Variants in OSBPL3 observed in about 807,000 individuals in gnomAD.
OSBPL3 encodes the protein oxysterol binding protein like 3.
Under a neutral mutation model 120.1 loss-of-function variants are expected in OSBPL3, and 65 were observed. That is an observed-to-expected ratio of 0.54 (90% confidence interval 0.44 to 0.67). The LOEUF is 0.67. OSBPL3 is among the 30% of genes least tolerant of loss of function. The pLI, the probability that OSBPL3 is intolerant of heterozygous loss-of-function variation, is 0.00. For missense variants in OSBPL3, 1,004 were observed against 1,082.1 expected (o/e 0.93, Z 1.01); for synonymous variants, 416 against 402.6 (o/e 1.03, Z -0.40).
In OSBPL3 at chr7:24,804,699, C is replaced by T. The variant is rs1414951700; in HGVS notation, c.2445-262G>A. Reference sequence around the variant, plus strand: ...TTCCTTTCTTCCTTGTCTCTAATTCCAGCCACCTTCACCCTCCCACCCTAG... The same window carrying T: ...TTCCTTTCTTCCTTGTCTCTAATTCTAGCCACCTTCACCCTCCCACCCTAG... On this transcript the variant is annotated intron_variant, in intron 21 of 22. Coordinates refer to ENST00000313367, the MANE Select transcript of OSBPL3 (RefSeq NM_015550.4). The surrounding 1 kb of genome is among the most constrained non-coding windows in gnomAD (Gnocchi z 5.4). 6.6e-6 allele frequency among the ~76,000 whole-genome samples: 1 copy of T among 152,084 alleles called. No homozygotes were observed. The highest frequency in any genetic ancestry group is 1.5e-5 in the Non-Finnish European group (1 of 68,008).
rs965200819 is a variant in OSBPL3 at position 24,815,434 on chromosome 7, A to T, written c.2028-231T>A. ...CAGCATTCAGACTTTGCACTCTGGA[A>T]GCTACCAGAGGCTTCACTAGAAGCT... On this transcript the variant is annotated intron_variant, in intron 18 of 22. Transcript: ENST00000313367. This position sits in a 1 kb window ranked among gnomAD's most constrained non-coding sequence, Gnocchi z 5.1. Among the ~76,000 whole-genome samples, 12 of 152,198 alleles carry T rather than the reference A, an allele frequency of 7.9e-5. No homozygotes were observed. The highest frequency in any genetic ancestry group is 1.8e-4 in the Non-Finnish European group (12 of 68,030).
intron 14 of OSBPL3, among the ~76,000 whole-genome samples, chr7:24,836,860 A>C (rs578076644): frequency 9.9e-4 from 150 of 152,216 alleles, no homozygotes; most frequent in Non-Finnish European, 1.8e-3. Context: ...TTTGAGACAG[A>C]GTCTTGGTCT....
rs1810532545 is a variant in OSBPL3, at chr7:24,922,584, G to C, written c.-149-29963C>G. On this transcript the variant is annotated intron_variant, in intron 1 of 22. Coordinates refer to ENST00000313367, the MANE Select transcript of OSBPL3 (RefSeq NM_015550.4). This position sits in a 1 kb window ranked among gnomAD's most constrained non-coding sequence, Gnocchi z 4.3. ...CCCAAGGGAAGTGTGTAAAATGCCA[G>C]GCTGCTCTCCCTAACCTTTCCTCCA... Among the ~76,000 whole-genome samples, 1 of 152,152 alleles carries C rather than the reference G, an allele frequency of 6.6e-6. No individual in the cohort carries two copies.
At chr7:24,866,638 C>CA (rs113620003) in intron 5 of OSBPL3, among the ~76,000 whole-genome samples, 40 of 149,040 alleles carry the variant, frequency 2.7e-4, no homozygotes, top group Admixed American at 4.0e-4. Flanking sequence ...GAGACTGTCT[C>CA]AAAAAAAAAT....
chr7:24,806,252 C>T lies in OSBPL3; in HGVS notation c.2444+524G>A, dbSNP rs528914921. Among the ~76,000 whole-genome samples, 2 of 152,318 alleles carry T rather than the reference C, an allele frequency of 1.3e-5. No homozygotes were observed. The highest frequency in any genetic ancestry group is 6.5e-5 in the Admixed American group (1 of 15,300). ...TTGTTTTTAATAAAGCCAAATGTAA[C>T]AATCTTTTCTTTCCTTGGGCTTCTA... On this transcript the variant is annotated intron_variant, in intron 21 of 22. Transcript: ENST00000313367. The surrounding 1 kb of genome is among the most constrained non-coding windows in gnomAD (Gnocchi z 5.2).
chr7:24,929,054 T>C (rs985531097), intron 1 of OSBPL3, among the ~76,000 whole-genome samples: 3 of 152,190 alleles, frequency 2.0e-5, no homozygotes, highest in Non-Finnish European at 4.4e-5. Context: ...GCTTTAGAAA[T>C]TGCCAAACTG....
chr7:24,955,599 G>C lies in OSBPL3; in HGVS notation c.-150+24287C>G, dbSNP rs977969656. On this transcript the variant is annotated intron_variant, in intron 1 of 22. Transcript: ENST00000313367. The surrounding 1 kb of genome is among the most constrained non-coding windows in gnomAD (Gnocchi z 4.3). ...TTTCTGCTCAAATGTCACCTTATCA[G>C]AGAGGCCTTTGGCCATTTCTATGTA... Among the ~76,000 whole-genome samples the C allele has an allele frequency of 6.6e-6, 1 of 152,158 alleles. No homozygotes were observed. Among genetic ancestry groups the C allele is most frequent in the Non-Finnish European group, 1.5e-5 (1 of 68,024 alleles).
rs1374399474 is a variant in OSBPL3, at chr7:24,808,076, T to C, written c.2318-1174A>G. On this transcript the variant is annotated intron_variant, in intron 20 of 22. Transcript: ENST00000313367. This position sits in a 1 kb window ranked among gnomAD's most constrained non-coding sequence, Gnocchi z 4.6. ...CCACCATGCCTGGCTAATCTTTGTATTTTTAGTAGAGATGAGATTTTGCCA... is the reference window on the plus strand; with the variant it reads ...CCACCATGCCTGGCTAATCTTTGTACTTTTAGTAGAGATGAGATTTTGCCA... Among the ~76,000 whole-genome samples, 1 of 152,154 alleles carries C rather than the reference T, an allele frequency of 6.6e-6. No individual in the cohort carries two copies. The highest frequency in any genetic ancestry group is 1.9e-4 in the East Asian group (1 of 5,194).
chr7:24,917,453 A>ACC (rs1336806899), intron 1 of OSBPL3, among the ~76,000 whole-genome samples: 1 of 120,354 alleles, frequency 8.3e-6, no homozygotes, highest in African/African-American at 3.6e-5. Flanking sequence ...ATATACACAC[A>ACC]CATATATATA....
chr7:24,814,923 G>T, intron 19 of OSBPL3, 136 bp downstream of exon 19: 1 of 784,148 alleles, frequency 1.3e-6, no homozygotes, highest in Non-Finnish European at 2.1e-6. Context: ...GTGCAGCTGG[G>T]ACCAAGGAGC....
At chr7:24,837,765 T>C (rs980248819) in intron 14 of OSBPL3, among the ~76,000 whole-genome samples, 9 of 152,178 alleles carry the variant, frequency 5.9e-5, no homozygotes, top group Admixed American at 3.3e-4. Context: ...AAATGAGGCA[T>C]AGAGGAAGTA....
Position 24,899,279 on chromosome 7 carries a change from C to T in OSBPL3, c.-149-6658G>A, listed in dbSNP as rs1806635520. On this transcript the variant is annotated intron_variant, in intron 1 of 22. Transcript: ENST00000313367. This position sits in a 1 kb window ranked among gnomAD's most constrained non-coding sequence, Gnocchi z 4.0. Reference sequence around the variant, plus strand: ...AAGGCAATGACAATCTTCCTGGCCTCAACCACACTGCAACTGTTAATACTG... The same window carrying T: ...AAGGCAATGACAATCTTCCTGGCCTTAACCACACTGCAACTGTTAATACTG... 6.6e-6 allele frequency among the ~76,000 whole-genome samples: 1 copy of T among 152,180 alleles called. No homozygotes were observed. Among genetic ancestry groups the T allele is most frequent in the African/African-American group, 2.4e-5 (1 of 41,436 alleles).
intron 11 of OSBPL3, among the ~76,000 whole-genome samples, chr7:24,850,517 A>ACTGCCTAATCCTT (rs2128225161): frequency 6.6e-6 from 1 of 152,366 alleles, no homozygotes; most frequent in Admixed American, 6.5e-5. Context: ...AGGATGTGGT[A>ACTGCCTAATCCTT]CTGCCTAATC....
chr7:24,903,122 C>A (rs1438309239), intron 1 of OSBPL3, among the ~76,000 whole-genome samples: 2 of 152,240 alleles, frequency 1.3e-5, no homozygotes, highest in Admixed American at 6.5e-5. Context: ...GCAAAAACCA[C>A]AATGACTTGT....
chr7:24,856,262 T>A (rs972422606), intron 10 of OSBPL3, among the ~76,000 whole-genome samples: 2 of 152,132 alleles, frequency 1.3e-5, no homozygotes, highest in African/African-American at 4.8e-5. Context: ...TGGAACATCA[T>A]AAGCGTCGTA....
chr7:24,931,186 T>C (rs6951637), intron 1 of OSBPL3, among the ~76,000 whole-genome samples: 14,913 of 152,186 alleles, frequency 0.098, 847 homozygotes, highest in South Asian at 0.17. Flanking sequence ...CTAACAAAAA[T>C]GTTTGTGAGC....
chr7:24,974,591 T>C (rs1817373803), intron 1 of OSBPL3, among the ~76,000 whole-genome samples: 1 of 152,178 alleles, frequency 6.6e-6, no homozygotes. Flanking sequence ...TTTTTAGAAA[T>C]GCCAGTCCCG....
In OSBPL3 at chr7:24,835,377, T is replaced by C. The variant is rs1796875105; in HGVS notation, c.1496-641A>G. On this transcript the variant is annotated intron_variant, in intron 14 of 22. Coordinates refer to ENST00000313367, the MANE Select transcript of OSBPL3 (RefSeq NM_015550.4). The surrounding 1 kb of genome is among the most constrained non-coding windows in gnomAD (Gnocchi z 4.8). ...AAAACCACAATGAGATATCATCTCA[T>C]ACCAATCAGAATAGCAATTACTAAA... 6.6e-6 allele frequency among the ~76,000 whole-genome samples: 1 copy of C among 152,090 alleles called. No homozygotes were observed. The highest frequency in any genetic ancestry group is 2.4e-5 in the African/African-American group (1 of 41,420).
chr7:24,868,246 G>T (rs1349640407), intron 5 of OSBPL3, among the ~76,000 whole-genome samples: 1 of 150,540 alleles, frequency 6.6e-6, no homozygotes, highest in Non-Finnish European at 1.5e-5. Flanking sequence ...GAACCTGGGA[G>T]GGGGAGGTTG....
Sources: gnomAD v4.1 joint callset for allele counts (sites outside exome capture counted in the v4.1 genomes callset) on GRCh38, gnomAD v4.1.1 for gene constraint, Gnocchi (gnomAD v3.1) non-coding constraint, MANE v1.5 for transcripts, NCBI Gene and HGNC (gene_info 2026-07-23, HGNC 2026-07-21) for gene names.